Variants in ADAM23 observed in about 807,000 individuals in gnomAD.
ADAM23 encodes ADAM metallopeptidase domain 23.
A neutral mutation model predicts 120.1 loss-of-function variants in ADAM23; 33 were observed. The observed-to-expected ratio is 0.27, with a 90% CI of 0.21 to 0.37. The LOEUF (loss-of-function observed/expected upper bound fraction) is 0.37. Among genes scored for constraint, ADAM23 ranks in the 10% least tolerant of loss-of-function variants. The pLI, the probability that ADAM23 is intolerant of heterozygous loss-of-function variation, is 1.00. For missense variants in ADAM23, 862 were observed against 1,058.2 expected (o/e 0.81, Z 2.57); for synonymous variants, 367 against 375.2 (o/e 0.98, Z 0.25).
At chr2:206,458,228 G>A (rs201749930) in intron 2 of ADAM23, among the ~76,000 whole-genome samples, 1 of 72,474 alleles carries the variant, frequency 1.4e-5, no homozygotes, top group African/African-American at 5.5e-5. Flanking sequence ...CTTATCAATC[G>A]CACAGTGCCT....
intron 24 of ADAM23, among the ~76,000 whole-genome samples, chr2:206,600,029 G>A (rs1366928233): frequency 2.6e-5 from 4 of 152,090 alleles, no homozygotes; most frequent in Non-Finnish European, 4.4e-5. Flanking sequence ...GTGAAGCCTC[G>A]TCTCTACTAA....
At chr2:206,487,775 CCTT>C (rs1385377696) in intron 3 of ADAM23, among the ~76,000 whole-genome samples, 1 of 152,192 alleles carries the variant, frequency 6.6e-6, no homozygotes, top group Non-Finnish European at 1.5e-5. Flanking sequence ...GCATTATGTT[CCTT>C]CTTAATAGAA....
intron 13 of ADAM23, among the ~76,000 whole-genome samples, chr2:206,564,246 AAG>A (rs1302362434): frequency 6.6e-6 from 1 of 152,104 alleles, no homozygotes; most frequent in Non-Finnish European, 1.5e-5. Flanking sequence ...AGGCATAGAA[AAG>A]AGAAACAGGA....
intron 11 of ADAM23, 91 bp downstream of exon 11, chr2:206,560,209 T>C (rs1697736171): frequency 7.4e-7 from 1 of 1,352,132 alleles, no homozygotes; most frequent in Non-Finnish European, 1.0e-6. Flanking sequence ...TATCAGAAAA[T>C]AGTGACTTGA....
chr2:206,584,584 C>G (rs544495194), intron 18 of ADAM23, among the ~76,000 whole-genome samples: 1 of 152,226 alleles, frequency 6.6e-6, no homozygotes, highest in East Asian at 1.9e-4. Context: ...GTCTCACCCC[C>G]ATCCCCCACA....
chr2:206,596,284 A>G (rs908271231), intron 24 of ADAM23, 122 bp downstream of exon 24: 17 of 680,710 alleles, frequency 2.5e-5, no homozygotes, highest in African/African-American at 1.3e-4. Context: ...TTTTGCCTTT[A>G]AAGTATATAA....
intron 24 of ADAM23, among the ~76,000 whole-genome samples, chr2:206,601,423 A>G (rs1698638102): frequency 6.6e-6 from 1 of 152,164 alleles, no homozygotes; most frequent in African/African-American, 2.4e-5. Context: ...ATATAACATA[A>G]TCACCTTATC....
rs573507294 is a variant in ADAM23 at position 206,582,187 on chromosome 2, T to C, written c.1738-5138T>C. Among the ~76,000 whole-genome samples the C allele has an allele frequency of 4.5e-4, 69 of 152,222 alleles. No homozygotes were observed. The South Asian group carries it at 0.014, about 31-fold the overall frequency. On this transcript the variant is annotated intron_variant, in intron 18 of 25. Transcript: ENST00000264377. ...GCCACCACGCCCGGCCAACATTTCT[T>C]AGGTCATTAGTAATTGTTTGGTAAG...
intron 2 of ADAM23, among the ~76,000 whole-genome samples, chr2:206,462,661 A>G (rs1695449864): frequency 6.6e-6 from 1 of 152,186 alleles, no homozygotes; most frequent in Non-Finnish European, 1.5e-5. Flanking sequence ...CTGGAACCCA[A>G]GTACCCCCAT....
chr2:206,484,403 A>C lies in ADAM23; in HGVS notation c.509+3095A>C, dbSNP rs191738273. On this transcript the variant is annotated intron_variant, in intron 3 of 25. Coordinates refer to ENST00000264377, the MANE Select transcript of ADAM23 (RefSeq NM_003812.4). The stretch of plus-strand genomic sequence containing the variant: ...ATGTGCTATGTGTTAGTCTTTGTGT[A>C]TTTCTTTCTGGTGTTGTTTTTTATA... 7.2e-5 allele frequency among the ~76,000 whole-genome samples: 11 copies of C among 152,020 alleles called. No individual in the cohort carries two copies. The East Asian group carries it at 2.1e-3, about 29-fold the overall frequency.
chr2:206,534,411 T>TA (rs1026390646), intron 4 of ADAM23, among the ~76,000 whole-genome samples: 2 of 152,150 alleles, frequency 1.3e-5, no homozygotes, highest in African/African-American at 4.8e-5. Flanking sequence ...ATCAGGTTGA[T>TA]ATGTTGGTAC....
chr2:206,474,468 C>A (rs150940223), intron 2 of ADAM23, among the ~76,000 whole-genome samples: 1 of 152,114 alleles, frequency 6.6e-6, no homozygotes, highest in East Asian at 1.9e-4. Context: ...TGATTGATAC[C>A]CTTCCAAAAT....
At chr2:206,480,815 C>CGAG (rs1695880957) in intron 2 of ADAM23, among the ~76,000 whole-genome samples, 1 of 152,168 alleles carries the variant, frequency 6.6e-6, no homozygotes, top group Non-Finnish European at 1.5e-5. Context: ...CAAGAAAGTT[C>CGAG]TAATTCCTGC....
intron 3 of ADAM23, among the ~76,000 whole-genome samples, chr2:206,493,196 A>G (rs1365416303): frequency 6.6e-6 from 1 of 152,178 alleles, no homozygotes; most frequent in African/African-American, 2.4e-5. Context: ...AATCTTTTAA[A>G]ATTAATTATA....
At chr2:206,453,897 A>G (rs980789016) in intron 2 of ADAM23, among the ~76,000 whole-genome samples, 1 of 152,268 alleles carries the variant, frequency 6.6e-6, no homozygotes. Context: ...CTGGAACATT[A>G]CACATTGATA....
chr2:206,573,090 C>G (rs1219606402), intron 17 of ADAM23, 25 bp from the exon 18 acceptor site: 5 of 1,610,744 alleles, frequency 3.1e-6, no homozygotes, highest in East Asian at 4.5e-5. Context: ...AATGCTAACT[C>G]TTAATATTGA....
chr2:206,600,657 T>A (rs547586729), intron 24 of ADAM23, among the ~76,000 whole-genome samples: 171 of 152,272 alleles, frequency 1.1e-3, no homozygotes, highest in African/African-American at 3.8e-3. Flanking sequence ...CCTGGAAGAA[T>A]AGGAAATTCA....
intron 3 of ADAM23, among the ~76,000 whole-genome samples, chr2:206,515,755 C>G (rs531009990): frequency 6.6e-6 from 1 of 152,102 alleles, no homozygotes; most frequent in African/African-American, 2.4e-5. Context: ...GCCTAATAGG[C>G]TTGCTATTTT....
chr2:206,465,420 A>G (rs187995479), intron 2 of ADAM23, among the ~76,000 whole-genome samples: 1 of 152,350 alleles, frequency 6.6e-6, no homozygotes, highest in East Asian at 1.9e-4. Flanking sequence ...AGCAGAAAAA[A>G]AAGAGTTTGC....
Sources: gnomAD v4.1 joint callset for allele counts (sites outside exome capture counted in the v4.1 genomes callset) on GRCh38, gnomAD v4.1.1 for gene constraint, MANE v1.5 for transcripts, NCBI Gene and HGNC (gene_info 2026-07-23, HGNC 2026-07-21) for gene names.